SOX6: variants seen among roughly 807,000 people sequenced by gnomAD.
The protein encoded by SOX6 is SRY-box transcription factor 6.
Under a neutral mutation model 97.8 loss-of-function variants are expected in SOX6, and 11 were observed. The ratio of observed to expected loss-of-function variants is 0.11; its 90% confidence interval spans 0.07 to 0.19. The LOEUF (loss-of-function observed/expected upper bound fraction) is 0.19. SOX6 is among the 10% of genes least tolerant of loss of function. The probability of loss-of-function intolerance (pLI) is 1.00; values close to 1 mark genes in which losing one functional copy is unlikely to be tolerated. For missense variants in SOX6, 810 were observed against 1,039.5 expected (o/e 0.78, Z 3.04); for synonymous variants, 360 against 371.4 (o/e 0.97, Z 0.35).
rs867265273 is a variant in SOX6 at position 16,132,403 on chromosome 11, A to G, written c.778-20480T>C. ...GAAAGAAAGAAAGAAAGAAAGAAAA[A>G]AGAAAGAAAGAAAGAAAGAAAGAAA... On this transcript the variant is annotated intron_variant, in intron 6 of 15. Transcript: ENST00000683767. 2.5e-4 allele frequency among the ~76,000 whole-genome samples: 13 copies of G among 53,060 alleles called. 1 individual carries two copies. In the East Asian group the frequency reaches 8.4e-3, roughly 34 times the overall value. The allele number at this position is 53,060 out of a possible 152,430, so 34.8% of individuals were successfully genotyped here. A position where few individuals can be genotyped will look rare whatever the true frequency, so the allele number is the denominator to read the frequency against.
chr11:16,220,392 C>T lies in SOX6; in HGVS notation c.535+14190G>A, dbSNP rs115042619. ...AATAGCTAAACTACCTGTTACAAGA[C>T]GGGAATGAAGCTGAATAGGCTAGTA... On this transcript the variant is annotated intron_variant, in intron 4 of 15. Coordinates refer to ENST00000683767, the MANE Select transcript of SOX6 (RefSeq NM_001367873.1). 9.0e-3 allele frequency among the ~76,000 whole-genome samples: 1,368 copies of T among 151,966 alleles called. 26 individuals carry two copies. The highest frequency in any genetic ancestry group is 0.031 in the African/African-American group (1,276 of 41,456).
chr11:16,101,711 G>A (rs534147585), intron 7 of SOX6, among the ~76,000 whole-genome samples: 48 of 151,706 alleles, frequency 3.2e-4, no homozygotes, highest in Non-Finnish European at 2.2e-4. Context: ...TAGGGATGCA[G>A]GGATGGCTTA....
At chr11:16,221,451 ATATAAG>A (rs141374142) in intron 4 of SOX6, among the ~76,000 whole-genome samples, 16,794 of 152,016 alleles carry the variant, frequency 0.11, 1,701 homozygotes, top group African/African-American at 0.26. Context: ...TCTCTTACAC[ATATAAG>A]TATAACAGTT....
Position 16,112,033 on chromosome 11 carries a change from A to G in SOX6, c.778-110T>C, listed in dbSNP as rs1590203731. 13 of 1,355,854 alleles carry G rather than the reference A, an allele frequency of 9.6e-6. No individual in the cohort carries two copies. In the East Asian group the frequency reaches 3.1e-4, roughly 32 times the overall value. The allele number at this position is 1,355,854 out of a possible 1,614,324, so 84.0% of individuals were successfully genotyped here. On this transcript the variant is annotated intron_variant, in intron 6 of 15. Coordinates refer to ENST00000683767, the MANE Select transcript of SOX6 (RefSeq NM_001367873.1). ...GGTACCCACACAGCCACCCACCTCT[A>G]ACCTCATTCCAAATCTGCAATCTGA...
intron 3 of SOX6, among the ~76,000 whole-genome samples, chr11:16,269,526 T>C (rs992084707): frequency 6.6e-6 from 1 of 150,802 alleles, no homozygotes; most frequent in East Asian, 1.9e-4. Context: ...AATTAACTTA[T>C]AAATAACTAA....
At chr11:16,689,929 C>CTTTTTTTT (rs773781348) in intron 3 of SOX6, among the ~76,000 whole-genome samples, 5 of 136,090 alleles carry the variant, frequency 3.7e-5, no homozygotes, top group African/African-American at 1.3e-4. Context: ...TGTCCCATGG[C>CTTTTTTTT]TTTTTTTTTT....
chr11:16,540,230 T>G (rs2133176735), intron 4 of SOX6, among the ~76,000 whole-genome samples: 1 of 152,278 alleles, frequency 6.6e-6, no homozygotes, highest in South Asian at 2.1e-4. Flanking sequence ...CACATGATTA[T>G]CTCAATAGAT....
chr11:16,717,626 A>G (rs1316593923), intron 2 of SOX6, among the ~76,000 whole-genome samples: 1 of 152,116 alleles, frequency 6.6e-6, no homozygotes, highest in Non-Finnish European at 1.5e-5. Flanking sequence ...GATATAGAAC[A>G]TTTGTATTCA....
In SOX6 at chr11:16,264,526, C is replaced by G. The variant is rs1408113167; in HGVS notation, c.446-29855G>C. The G allele has an allele frequency of 2.6e-5, 4 of 151,884 alleles. No homozygotes were observed. In the East Asian group the frequency reaches 7.7e-4, roughly 29 times the overall value. The allele number at this position is 151,884 out of a possible 1,614,324, so 9.4% of individuals were successfully genotyped here. A position where few individuals can be genotyped will look rare whatever the true frequency, so the allele number is the denominator to read the frequency against. ...TTTGCAATTACAAATAATAAGTCAACAAACAGCTTTTTGCATATCTTTTTT... is the reference window on the plus strand; with the variant it reads ...TTTGCAATTACAAATAATAAGTCAAGAAACAGCTTTTTGCATATCTTTTTT... On this transcript the variant is annotated intron_variant, in intron 3 of 15. Coordinates refer to ENST00000683767, the MANE Select transcript of SOX6 (RefSeq NM_001367873.1).
At chr11:16,501,803 C>G (rs1338901237) in intron 4 of SOX6, among the ~76,000 whole-genome samples, 7 of 152,254 alleles carry the variant, frequency 4.6e-5, no homozygotes, top group Admixed American at 2.0e-4. Flanking sequence ...ATTGAAAAGT[C>G]AGGAAACAAC....
At chr11:16,234,195 A>G (rs1852946540) in intron 4 of SOX6, among the ~76,000 whole-genome samples, 1 of 152,094 alleles carries the variant, frequency 6.6e-6, no homozygotes, top group South Asian at 2.1e-4. Context: ...CAGGCAACCC[A>G]TTTTGATTAG....
intron 13 of SOX6, among the ~76,000 whole-genome samples, chr11:16,001,314 T>A (rs1406495178): frequency 6.6e-6 from 1 of 152,208 alleles, no homozygotes; most frequent in Non-Finnish European, 1.5e-5. Context: ...ACAAAGTGCT[T>A]TCACTGATTA....
intron 1 of SOX6, among the ~76,000 whole-genome samples, chr11:16,387,892 T>A (rs1234469446): frequency 1.3e-5 from 2 of 152,098 alleles, no homozygotes; most frequent in Non-Finnish European, 2.9e-5. Flanking sequence ...TTGGCAAAGA[T>A]ACAATCCTAC....
At chr11:16,048,649 G>A (rs1002448100) in intron 11 of SOX6, among the ~76,000 whole-genome samples, 1 of 152,082 alleles carries the variant, frequency 6.6e-6, no homozygotes, top group Non-Finnish European at 1.5e-5. Flanking sequence ...AGATAAAGTA[G>A]GCAAGAATGT....
At chr11:15,979,192 T>A (rs1853592018) in intron 15 of SOX6, among the ~76,000 whole-genome samples, 1 of 151,492 alleles carries the variant, frequency 6.6e-6, no homozygotes. Flanking sequence ...TAATGATTAC[T>A]TCATCCTTCC....
intron 4 of SOX6, among the ~76,000 whole-genome samples, chr11:16,210,606 C>T (rs1201520324): frequency 6.6e-6 from 1 of 152,084 alleles, no homozygotes; most frequent in Non-Finnish European, 1.5e-5. Context: ...AACTAGAATT[C>T]CCAATCAGGA....
At chr11:16,118,279 T>G (rs1329121707) in intron 6 of SOX6, among the ~76,000 whole-genome samples, 1 of 152,226 alleles carries the variant, frequency 6.6e-6, no homozygotes, top group Non-Finnish European at 1.5e-5. Context: ...ATACAATCCC[T>G]AACCAAAGTG....
At chr11:16,372,463 A>C (rs928069207) in intron 1 of SOX6, among the ~76,000 whole-genome samples, 1 of 152,144 alleles carries the variant, frequency 6.6e-6, no homozygotes. Context: ...AGAGCCAACT[A>C]ATCAAGGTTG....
chr11:16,680,398 A>G (rs1436080410), intron 3 of SOX6, among the ~76,000 whole-genome samples: 1 of 152,208 alleles, frequency 6.6e-6, no homozygotes, highest in African/African-American at 2.4e-5. Context: ...CTCTACAGAC[A>G]AGCAAATGCT....
Sources: allele counts gnomAD v4.1 joint callset (sites outside exome capture counted in the v4.1 genomes callset), GRCh38; gene constraint gnomAD v4.1.1; transcripts MANE v1.5; gene names NCBI Gene and HGNC (gene_info 2026-07-23, HGNC 2026-07-21).